The following AGFG2 variants were observed in gnomAD, a reference collection of about 807,000 sequenced individuals.
AGFG2 encodes arf-GAP domain and FG repeat-containing protein 2.
A neutral mutation model predicts 48.0 loss-of-function variants in AGFG2; 31 were observed. The ratio of observed to expected loss-of-function variants is 0.65; its 90% CI spans 0.49 to 0.87. The LOEUF (loss-of-function observed/expected upper bound fraction) is 0.87. Among genes scored for constraint, AGFG2 ranks in the 40% least tolerant of loss-of-function variants. The pLI, the probability that AGFG2 is intolerant of heterozygous loss-of-function variation, is 0.00. For missense variants in AGFG2, 599 were observed against 632.6 expected, an observed-to-expected ratio of 0.95 and a Z score of 0.57; for synonymous variants, 229 against 260.8, an observed-to-expected ratio of 0.88 and a Z score of 1.18.
rs1562791852 is a variant in AGFG2, at chr7:100,551,059, TA to T, written c.431+549del. On this transcript the variant is annotated intron_variant, in intron 3 of 11. Coordinates refer to ENST00000300176, the MANE Select transcript of AGFG2 (RefSeq NM_006076.5). ...ATATATATATATATATATATATATA[TA>T]TATATATTTCTTTTTTTTTTTTTTT... Among the ~76,000 whole-genome samples the T allele has an allele frequency of 1.7e-4, 19 of 113,402 alleles. 1 individual carries two copies. The highest frequency in any genetic ancestry group is 7.2e-4 in the African/African-American group (19 of 26,558). 74.4% of individuals were successfully genotyped at this position (113,402 alleles called of 152,430 possible).
In AGFG2 at chr7:100,562,448, C is replaced by A; in HGVS notation, c.998+69C>A. ...GCCCGAAGCCTGGCCATGTTCCTCC[C>A]AGCCCCATCGGCATCTCCTGGCAGT... On this transcript the variant is annotated intron_variant, in intron 7 of 11. Transcript: ENST00000300176. The surrounding 1 kb of genome is among the most constrained non-coding windows in gnomAD (Gnocchi z 5.4). 1.9e-6 allele frequency: 3 copies of A among 1,604,556 alleles called. No homozygotes were observed. Among genetic ancestry groups the A allele is most frequent in the East Asian group, 2.2e-5 (1 of 44,646 alleles).
rs1289186551 is a variant in AGFG2 at position 100,568,205 on chromosome 7, A to G, written c.*3214A>G. On this transcript the variant is annotated 3_prime_UTR_variant, in exon 12 of 12. Coordinates refer to ENST00000300176, the MANE Select transcript of AGFG2 (RefSeq NM_006076.5). ...GGAGTGGGAAGGGGAAGGAATAAAG[A>G]GATCTTCCTCAGGTATCTTCAAGCC... 1 of 152,578 alleles carries G rather than the reference A, an allele frequency of 6.6e-6. No homozygotes were observed. Among genetic ancestry groups the G allele is most frequent in the African/African-American group, 2.4e-5 (1 of 41,406 alleles). The allele number at this position is 152,578 out of a possible 1,614,324, so 9.5% of individuals were successfully genotyped here.
intron 5 of AGFG2, among the ~76,000 whole-genome samples, chr7:100,555,263 GTTTTTT>G (rs1166680394): frequency 5.3e-5 from 4 of 75,176 alleles, no homozygotes; most frequent in South Asian, 4.6e-4. Flanking sequence ...TGTGTGTGTG[GTTTTTT>G]TTTTTTTTTT....
chr7:100,565,002 T>TTGGGGGGCCTCTTCCCTGCCTTC lies in AGFG2; in HGVS notation c.*17_*39dup, dbSNP rs1299957430. The TTGGGGGGCCTCTTCCCTGCCTTC allele has an allele frequency of 1.9e-6, 3 of 1,613,958 alleles. No individual in the cohort carries two copies. In the African/African-American group the frequency reaches 4.0e-5, roughly 22 times the overall value. ...AACCCCTTCTTGTAGCACTGTGTTT[T>TTGGGGGGCCTCTTCCCTGCCTTC]TGGGGGGCCTCTTCCCTGCCTTCTG... is the stretch of plus-strand genomic sequence containing the variant. On this transcript the variant is annotated 3_prime_UTR_variant, in exon 12 of 12. Coordinates refer to ENST00000300176, the MANE Select transcript of AGFG2 (RefSeq NM_006076.5).
intron 2 of AGFG2, among the ~76,000 whole-genome samples, chr7:100,549,192 A>C (rs949347340): frequency 3.3e-5 from 5 of 152,230 alleles, no homozygotes; most frequent in Non-Finnish European, 5.9e-5. Flanking sequence ...CCAGAGCTCC[A>C]GAGCGTGAGC....
In AGFG2 at chr7:100,541,624, A is replaced by G. The variant is rs953031550; in HGVS notation, c.221+2057A>G. Among the ~76,000 whole-genome samples the G allele has an allele frequency of 1.1e-4, 16 of 152,068 alleles. No homozygotes were observed. The East Asian group carries it at 2.3e-3, about 22-fold the overall frequency. On this transcript the variant is annotated intron_variant, in intron 1 of 11. Transcript: ENST00000300176. ...CTAAAAATACAAAAATTAGCCAGGC[A>G]TGGTGGCAGGTGCCTGTAATCCCAG...
rs1800948824 is a variant in AGFG2, at chr7:100,564,211, C to T, written c.1301-7C>T. The T allele has an allele frequency of 3.1e-6, 5 of 1,608,524 alleles. No individual in the cohort carries two copies. Among genetic ancestry groups the T allele is most frequent in the Non-Finnish European group, 2.5e-6 (3 of 1,177,376 alleles). ...GTGTCAGCTGAGTGACTGCTCTCGC[C>T]CCCTAGGCTCTTCCTTCGGGGACTT... On this transcript the variant is annotated splice_region_variant and splice_polypyrimidine_tract_variant and intron_variant, in intron 10 of 11. Coordinates refer to ENST00000300176, the MANE Select transcript of AGFG2 (RefSeq NM_006076.5).
chr7:100,553,797 T>C (rs913957596), intron 4 of AGFG2, among the ~76,000 whole-genome samples: 1 of 152,182 alleles, frequency 6.6e-6, no homozygotes, highest in African/African-American at 2.4e-5. Flanking sequence ...CTGGGAAGGT[T>C]GAGGAGTAAC....
chr7:100,549,817 C>T (rs1026506111), intron 2 of AGFG2, among the ~76,000 whole-genome samples: 8 of 152,246 alleles, frequency 5.3e-5, no homozygotes, highest in African/African-American at 1.7e-4. Flanking sequence ...CTCAGCCTCC[C>T]AAGTAGCTCG....
chr7:100,562,662 G>GCAA lies in AGFG2; in HGVS notation c.1069_1070insACA (p.Ser356_Thr357insAsn), dbSNP rs1800903916. 1 of 1,608,820 alleles carries GCAA rather than the reference G, an allele frequency of 6.2e-7. No homozygotes were observed. The highest frequency in any genetic ancestry group is 1.7e-5 in the Admixed American group (1 of 59,950). ...ACGATGGGCGGCGGCGGCGGCAGCA[G>GCAA]CACAGGGCTGGCCTTTGGAGGTGAG... On this transcript the variant is annotated inframe_insertion, in exon 8 of 12. Coordinates refer to ENST00000300176, the MANE Select transcript of AGFG2 (RefSeq NM_006076.5). The surrounding 1 kb of genome is among the most constrained non-coding windows in gnomAD (Gnocchi z 5.4).
chr7:100,564,079 G>A (rs1800943508), intron 10 of AGFG2, 117 bp downstream of exon 10: 4 of 1,549,832 alleles, frequency 2.6e-6, no homozygotes, highest in South Asian at 2.4e-5. Flanking sequence ...CCAGCAGGGG[G>A]GACCAGGGAA....
chr7:100,553,336 C>G lies in AGFG2; in HGVS notation c.432-11C>G. On this transcript the variant is annotated splice_polypyrimidine_tract_variant and intron_variant, in intron 3 of 11. Coordinates refer to ENST00000300176, the MANE Select transcript of AGFG2 (RefSeq NM_006076.5). ...TCCCTCTCTTTACAGCCTAACTATT[C>G]TTTCTCAAAGGTATGTCCCCCCAGA... 6.2e-7 allele frequency: 1 copy of G among 1,614,164 alleles called. No individual in the cohort carries two copies. Among genetic ancestry groups the G allele is most frequent in the Non-Finnish European group, 8.5e-7 (1 of 1,180,014 alleles).
chr7:100,566,611 C>T lies in AGFG2; in HGVS notation c.*1620C>T, dbSNP rs1295238008. Reference sequence around the variant, plus strand: ...CAGTGTATTTACTTTGCAGATTTTTCTGGAAATAACCTCTAGCTGCTGCTA... The same window carrying T: ...CAGTGTATTTACTTTGCAGATTTTTTTGGAAATAACCTCTAGCTGCTGCTA... On this transcript the variant is annotated 3_prime_UTR_variant, in exon 12 of 12. Transcript: ENST00000300176. The T allele has an allele frequency of 6.6e-6, 1 of 152,242 alleles. No homozygotes were observed. Among genetic ancestry groups the T allele is most frequent in the Non-Finnish European group, 1.5e-5 (1 of 68,060 alleles). The allele number at this position is 152,242 out of a possible 1,614,324, so 9.4% of individuals were successfully genotyped here.
At chr7:100,547,138 C>A (rs572511739) in intron 1 of AGFG2, among the ~76,000 whole-genome samples, 12 of 152,238 alleles carry the variant, frequency 7.9e-5, no homozygotes, top group African/African-American at 2.9e-4. Flanking sequence ...ACTGTTCACT[C>A]TGTACTGAGT....
At position 100,563,828 on chromosome 7, in the gene AGFG2, C is replaced by G. The variant is rs1800934580; in HGVS notation, c.1172-6C>G. The G allele has an allele frequency of 6.2e-7, 1 of 1,611,070 alleles. No homozygotes were observed. Among genetic ancestry groups the G allele is most frequent in the African/African-American group, 1.3e-5 (1 of 74,866 alleles). ...TCACCTGAGCCTCCCGTCTTTCACT[C>G]CATAGGGCCCGGCTTTGGGATGAGC... On this transcript the variant is annotated splice_region_variant and splice_polypyrimidine_tract_variant and intron_variant, in intron 9 of 11. Transcript: ENST00000300176.
rs905023242 is a variant in AGFG2, at chr7:100,566,597, C to G, written c.*1606C>G. ...GGGAGTTGGGTGATCAGTGTATTTA[C>G]TTTGCAGATTTTTCTGGAAATAACC... is the stretch of plus-strand genomic sequence containing the variant. On this transcript the variant is annotated 3_prime_UTR_variant, in exon 12 of 12. Transcript: ENST00000300176. 6.6e-6 allele frequency: 1 copy of G among 152,320 alleles called. No individual in the cohort carries two copies. The highest frequency in any genetic ancestry group is 2.1e-4 in the South Asian group (1 of 4,828). The allele number at this position is 152,320 out of a possible 1,614,324, so 9.4% of individuals were successfully genotyped here.
At chr7:100,544,885 G>A (rs964275648) in intron 1 of AGFG2, among the ~76,000 whole-genome samples, 6 of 152,090 alleles carry the variant, frequency 3.9e-5, no homozygotes, top group Non-Finnish European at 5.9e-5. Context: ...TTGCTGCTGA[G>A]GAGGAACAAA....
At position 100,566,826 on chromosome 7, in the gene AGFG2, C is replaced by CGAA. The variant is rs1801018558; in HGVS notation, c.*1835_*1836insGAA. On this transcript the variant is annotated 3_prime_UTR_variant, in exon 12 of 12. Coordinates refer to ENST00000300176, the MANE Select transcript of AGFG2 (RefSeq NM_006076.5). ...GCCACCCTAGATTATCTCTGTGTCCCTCTACCTAATTCTCTTACCAGTTCT... is the reference window on the plus strand; with the variant it reads ...GCCACCCTAGATTATCTCTGTGTCCCGAATCTACCTAATTCTCTTACCAGTTCT... 1.3e-5 allele frequency: 2 copies of CGAA among 152,284 alleles called. No homozygotes were observed. Among genetic ancestry groups the CGAA allele is most frequent in the Non-Finnish European group, 2.9e-5 (2 of 68,126 alleles). The allele number at this position is 152,284 out of a possible 1,614,324, so 9.4% of individuals were successfully genotyped here.
Position 100,562,429 on chromosome 7 carries a change from A to G in AGFG2, c.998+50A>G, listed in dbSNP as rs1281061941. 2.5e-6 allele frequency: 4 copies of G among 1,607,124 alleles called. No individual in the cohort carries two copies. The highest frequency in any genetic ancestry group is 2.2e-5 in the South Asian group (2 of 90,754). On this transcript the variant is annotated intron_variant, in intron 7 of 11. Coordinates refer to ENST00000300176, the MANE Select transcript of AGFG2 (RefSeq NM_006076.5). This position sits in a 1 kb window ranked among gnomAD's most constrained non-coding sequence, Gnocchi z 5.4. ...GCTGTAGGGCAGGAGAGCCGCCCGAAGCCTGGCCATGTTCCTCCCAGCCCC... is the reference window on the plus strand; with the variant it reads ...GCTGTAGGGCAGGAGAGCCGCCCGAGGCCTGGCCATGTTCCTCCCAGCCCC...
Sources: gnomAD v4.1 joint callset for allele counts (sites outside exome capture counted in the v4.1 genomes callset) on GRCh38, gnomAD v4.1.1 for gene constraint, Gnocchi (gnomAD v3.1) non-coding constraint, MANE v1.5 for transcripts, NCBI Gene and HGNC (gene_info 2026-07-23, HGNC 2026-07-21) for gene names.